Variants in EXOC2 observed in about 807,000 individuals in gnomAD.
The protein encoded by EXOC2 is SEC5-like 1.
A neutral mutation model predicts 131.8 loss-of-function variants in EXOC2; 70 were observed. That is an observed-to-expected ratio of 0.53 (90% CI 0.44 to 0.65). EXOC2 has a LOEUF of 0.65. EXOC2 is among the 30% of genes least tolerant of loss of function. The pLI is 0.00. For synonymous variants in EXOC2, 411 were observed against 398.4 expected (o/e 1.03, Z -0.38); for missense variants, 923 against 1,108.6 (o/e 0.83, Z 2.38).
chr6:553,365 G>A (rs974674830), intron 21 of EXOC2, among the ~76,000 whole-genome samples: 6 of 148,150 alleles, frequency 4.0e-5, no homozygotes, highest in Non-Finnish European at 8.9e-5. Context: ...TATATGCAGT[G>A]TATGCATACA....
In EXOC2 at chr6:656,585, C is replaced by G. The variant is rs148415618; in HGVS notation, c.-43-18724G>C. 565 of 1,593,062 alleles carry G rather than the reference C, an allele frequency of 3.5e-4. 5 individuals are homozygous for G. The South Asian group carries it at 5.6e-3, about 16-fold the overall frequency. On this transcript the variant is annotated intron_variant, in intron 1 of 27. Transcript: ENST00000230449. ...CCACGCTGCGAGCGCGGCCCAGGGA[C>G]GAGACCAGCTCCACCGCCACCGTGA...
intron 17 of EXOC2, among the ~76,000 whole-genome samples, chr6:561,654 CG>C (rs1757706208): frequency 6.6e-6 from 1 of 152,074 alleles, no homozygotes; most frequent in Admixed American, 6.5e-5. Flanking sequence ...GGCGCGATCT[CG>C]GCTCACTGCA....
intron 1 of EXOC2, among the ~76,000 whole-genome samples, chr6:684,269 A>G (rs4959380): frequency 0.72 from 108,621 of 151,888 alleles, 39,209 homozygotes; most frequent in East Asian, 0.85. Flanking sequence ...TGTGTGGTTT[A>G]GAGAAGGGGG....
At chr6:634,104 T>C (rs1761986813) in intron 2 of EXOC2, among the ~76,000 whole-genome samples, 1 of 151,950 alleles carries the variant, frequency 6.6e-6, no homozygotes, top group Non-Finnish European at 1.5e-5. Context: ...CTTGCTCTGT[T>C]GCCCAGGCTG....
At chr6:487,351 C>T (rs978850852) in intron 27 of EXOC2, among the ~76,000 whole-genome samples, 3 of 152,150 alleles carry the variant, frequency 2.0e-5, no homozygotes, top group African/African-American at 4.8e-5. Context: ...CTAGGCAAAT[C>T]GCTTTGCTGC....
intron 11 of EXOC2, among the ~76,000 whole-genome samples, 191 bp downstream of exon 11, chr6:592,278 T>C (rs375107803): frequency 1.3e-5 from 2 of 152,070 alleles, no homozygotes; most frequent in South Asian, 4.2e-4. Context: ...AAAACAGACA[T>C]GATAAAAGAG....
chr6:532,071 T>A (rs1255123115), intron 23 of EXOC2, among the ~76,000 whole-genome samples: 1 of 152,252 alleles, frequency 6.6e-6, no homozygotes, highest in African/African-American at 2.4e-5. Context: ...ACAGCATCAC[T>A]AATCAGGTCT....
intron 7 of EXOC2, among the ~76,000 whole-genome samples, chr6:603,982 G>A (rs1239183271): frequency 2.0e-5 from 3 of 152,110 alleles, no homozygotes; most frequent in Non-Finnish European, 4.4e-5. Flanking sequence ...GGTGTGATTC[G>A]AAAACCCTCA....
chr6:500,006 C>T (rs1360075513), intron 23 of EXOC2, among the ~76,000 whole-genome samples: 1 of 152,030 alleles, frequency 6.6e-6, no homozygotes, highest in Non-Finnish European at 1.5e-5. Context: ...TCTTCACGCA[C>T]ACACACACAG....
At chr6:619,915 T>A (rs1761200373) in intron 4 of EXOC2, among the ~76,000 whole-genome samples, 1 of 152,222 alleles carries the variant, frequency 6.6e-6, no homozygotes, top group East Asian at 1.9e-4. Context: ...AAAATTTGAA[T>A]ACAGTGAAAT....
At chr6:643,159 T>C (rs921726632) in intron 1 of EXOC2, among the ~76,000 whole-genome samples, 4 of 152,208 alleles carry the variant, frequency 2.6e-5, no homozygotes, top group Non-Finnish European at 4.4e-5. Flanking sequence ...TACACAATCA[T>C]AGTTTGAGGT....
intron 12 of EXOC2, 104 bp from the exon 13 acceptor site, chr6:572,748 G>A (rs955500046): frequency 1.1e-5 from 15 of 1,395,840 alleles, no homozygotes; most frequent in Admixed American, 2.1e-5. Context: ...ACTCCAACAT[G>A]CACTAGGAAT....
At chr6:500,982 A>G (rs541992715) in intron 23 of EXOC2, among the ~76,000 whole-genome samples, 1 of 148,790 alleles carries the variant, frequency 6.7e-6, no homozygotes, top group Non-Finnish European at 1.5e-5. Flanking sequence ...TGAGGAGCCA[A>G]TTTCATATAC....
At chr6:609,306 G>A (rs1252549842) in intron 7 of EXOC2, among the ~76,000 whole-genome samples, 1 of 152,182 alleles carries the variant, frequency 6.6e-6, no homozygotes, top group Non-Finnish European at 1.5e-5. Context: ...TTCTTCCAAT[G>A]ATTCTTAACT....
chr6:502,262 T>C (rs1764259730), intron 23 of EXOC2, among the ~76,000 whole-genome samples: 1 of 152,166 alleles, frequency 6.6e-6, no homozygotes. Flanking sequence ...CGGGGTCCTG[T>C]CAACACTCCT....
chr6:665,351 C>G (rs1262546054), intron 1 of EXOC2, among the ~76,000 whole-genome samples: 1 of 152,174 alleles, frequency 6.6e-6, no homozygotes, highest in East Asian at 1.9e-4. Flanking sequence ...CAAACTAGTA[C>G]AGCTGCTATG....
chr6:505,286 A>G (rs1764473684), intron 23 of EXOC2, among the ~76,000 whole-genome samples: 1 of 152,162 alleles, frequency 6.6e-6, no homozygotes, highest in Admixed American at 6.5e-5. Flanking sequence ...CATACTTTGC[A>G]CTGGTGTTGA....
intron 1 of EXOC2, among the ~76,000 whole-genome samples, chr6:643,961 CAAACT>C (rs1180033582): frequency 6.6e-6 from 1 of 151,974 alleles, no homozygotes. Context: ...ACAAGTTACC[CAAACT>C]AAACAAGATG....
chr6:562,649 A>G (rs992892880), intron 17 of EXOC2, 135 bp downstream of exon 17: 7 of 510,014 alleles, frequency 1.4e-5, no homozygotes, highest in Non-Finnish European at 2.3e-5. Flanking sequence ...AATGTCTCTG[A>G]GAAGAAAACC....
Sources: gnomAD v4.1 joint callset for allele counts (sites outside exome capture counted in the v4.1 genomes callset) on GRCh38, gnomAD v4.1.1 for gene constraint, MANE v1.5 for transcripts, NCBI Gene and HGNC (gene_info 2026-07-23, HGNC 2026-07-21) for gene names.